PDE11A: variants seen among roughly 807,000 people sequenced by gnomAD.
The protein encoded by PDE11A is phosphodiesterase 11A.
PDE11A carries 100 observed loss-of-function variants against 100.5 expected under a neutral mutation model. The observed-to-expected ratio is 1.00, with a 90% confidence interval of 0.85 to 1.18. The LOEUF is 1.18. PDE11A is among the 50% of genes most tolerant of loss of function. PDE11A has a pLI of 0.00. For synonymous variants in PDE11A, 381 were observed against 420.8 expected, an observed-to-expected ratio of 0.91 and a Z score of 1.16; for missense variants, 1,141 against 1,152.6, an observed-to-expected ratio of 0.99 and a Z score of 0.15.
At chr2:178,037,436 G>T (rs2086628022) in intron 1 of PDE11A, among the ~76,000 whole-genome samples, 1 of 152,162 alleles carries the variant, frequency 6.6e-6, no homozygotes, top group Admixed American at 6.5e-5. Flanking sequence ...GTGTAAATTA[G>T]TTCAACCATT....
chr2:177,740,610 A>G (rs1386127161), intron 10 of PDE11A, among the ~76,000 whole-genome samples: 1 of 152,220 alleles, frequency 6.6e-6, no homozygotes. Flanking sequence ...ATCAATCCCA[A>G]TGAATCTAGC....
At chr2:177,881,337 ATCTG>A (rs371622130) in intron 4 of PDE11A, among the ~76,000 whole-genome samples, 16 of 136,326 alleles carry the variant, frequency 1.2e-4, no homozygotes, top group Non-Finnish European at 1.3e-4. Context: ...TCTATCATCT[ATCTG>A]TCTATCTATC....
intron 1 of PDE11A, among the ~76,000 whole-genome samples, chr2:178,043,234 G>A (rs115337829): frequency 0.013 from 1,952 of 152,192 alleles, 34 homozygotes; most frequent in African/African-American, 0.04. Context: ...TATCTGTCAT[G>A]GGCAGATGAT....
upstream of PDE11A, chr2:178,073,179 C>T: frequency 1.9e-6 from 1 of 534,822 alleles, no homozygotes; most frequent in Non-Finnish European, 2.4e-6. Flanking sequence ...TCGAGAGTGT[C>T]GTTCACCCTC....
chr2:177,942,406 A>ATAT (rs374537024), intron 2 of PDE11A, among the ~76,000 whole-genome samples: 1 of 136,866 alleles, frequency 7.3e-6, no homozygotes, highest in Non-Finnish European at 1.6e-5. Context: ...TTTTAAAATT[A>ATAT]TTTTTTTTTT....
chr2:177,640,057 T>C (rs182783164), intron 19 of PDE11A, among the ~76,000 whole-genome samples: 30 of 152,366 alleles, frequency 2.0e-4, no homozygotes, highest in Non-Finnish European at 4.1e-4. Flanking sequence ...CCCCCTATTG[T>C]TGAAATCTAT....
At chr2:178,029,885 C>T (rs1036881493) in intron 1 of PDE11A, among the ~76,000 whole-genome samples, 3 of 152,118 alleles carry the variant, frequency 2.0e-5, no homozygotes, top group Non-Finnish European at 2.9e-5. Context: ...TTCATTATTG[C>T]AGAAGTGGGT....
intron 2 of PDE11A, among the ~76,000 whole-genome samples, chr2:177,932,097 C>T (rs2085215644): frequency 6.6e-6 from 1 of 152,032 alleles, no homozygotes; most frequent in African/African-American, 2.4e-5. Flanking sequence ...CACACAATCT[C>T]TCAAGATTGA....
intron 9 of PDE11A, among the ~76,000 whole-genome samples, chr2:177,795,295 A>C (rs1344643189): frequency 6.6e-6 from 1 of 152,112 alleles, no homozygotes; most frequent in Non-Finnish European, 1.5e-5. Flanking sequence ...CCTTACATTC[A>C]TCACCTGGTG....
chr2:177,881,341 GTCTATCTATCTATCTA>G lies in PDE11A; in HGVS notation c.1303-5434_1303-5419del, dbSNP rs56769555. ...ATCTCTATCTATCTATCATCTATCT[GTCTATCTATCTATCTA>G]TCTATCTATCTATCTATCTATCTAT... is the stretch of plus-strand genomic sequence containing the variant. On this transcript the variant is annotated intron_variant, in intron 4 of 19. Coordinates refer to ENST00000286063, the MANE Select transcript of PDE11A (RefSeq NM_016953.4). 1.5e-4 allele frequency among the ~76,000 whole-genome samples: 22 copies of G among 147,634 alleles called. 1 individual carries two copies. Among genetic ancestry groups the G allele is most frequent in the Admixed American group, 8.1e-4 (12 of 14,874 alleles).
intron 15 of PDE11A, among the ~76,000 whole-genome samples, chr2:177,686,545 C>T (rs1434043479): frequency 1.3e-5 from 2 of 151,390 alleles, no homozygotes; most frequent in Non-Finnish European, 2.9e-5. Flanking sequence ...CCAGCCTGGG[C>T]GACAGAGTGA....
chr2:178,048,990 C>T (rs2105855143), intron 1 of PDE11A, among the ~76,000 whole-genome samples: 1 of 152,232 alleles, frequency 6.6e-6, no homozygotes, highest in South Asian at 2.1e-4. Flanking sequence ...GAGGACCTAA[C>T]TTCTCAGTGC....
chr2:177,936,693 T>C (rs1386545196), intron 2 of PDE11A, among the ~76,000 whole-genome samples: 1 of 152,112 alleles, frequency 6.6e-6, no homozygotes, highest in Non-Finnish European at 1.5e-5. Context: ...GGCCGAAGTG[T>C]GTGGATCACC....
chr2:177,760,764 A>C (rs896805680), intron 10 of PDE11A, among the ~76,000 whole-genome samples: 1 of 152,236 alleles, frequency 6.6e-6, no homozygotes, highest in African/African-American at 2.4e-5. Flanking sequence ...AAAAGGGCAG[A>C]TCTGGCTACA....
intron 2 of PDE11A, among the ~76,000 whole-genome samples, chr2:177,933,242 G>C (rs2085231315): frequency 6.6e-6 from 1 of 152,092 alleles, no homozygotes; most frequent in African/African-American, 2.4e-5. Flanking sequence ...CATTAAAATG[G>C]CCATATTGCT....
Position 178,071,925 on chromosome 2 carries a change from A to C in PDE11A, c.513T>G (p.Ile171Met). The change falls in exon 1 of 20, where the codon ATT (isoleucine) becomes ATG (methionine). Residue 171 changes from isoleucine to methionine, a missense_variant. Transcript: ENST00000286063. ...CTCTCGATTCCAGCAGCGCACTGAGAATATGGGCTGTGGTGGGGGGCAGGG... is the reference window on the plus strand; with the variant it reads ...CTCTCGATTCCAGCAGCGCACTGAGCATATGGGCTGTGGTGGGGGGCAGGG... ...ASSLPPTTAH[I>M]LSALLESRVN... is the part of the protein sequence containing the mutation. 1 of 1,613,964 alleles carries C rather than the reference A, an allele frequency of 6.2e-7. No individual in the cohort carries two copies. The highest frequency in any genetic ancestry group is 1.3e-5 in the African/African-American group (1 of 75,012).
chr2:177,824,324 AT>A (rs2083193753), intron 6 of PDE11A, among the ~76,000 whole-genome samples: 9 of 152,220 alleles, frequency 5.9e-5, no homozygotes, highest in African/African-American at 2.4e-5. Flanking sequence ...CATGGGTAAG[AT>A]TTAAGTTAAT....
At chr2:177,755,024 T>C (rs1348535318) in intron 10 of PDE11A, among the ~76,000 whole-genome samples, 1 of 152,206 alleles carries the variant, frequency 6.6e-6, no homozygotes, top group East Asian at 1.9e-4. Context: ...CTGTGGGTTA[T>C]TGGTTGATCC....
intron 10 of PDE11A, among the ~76,000 whole-genome samples, chr2:177,740,025 G>A (rs1225951345): frequency 1.3e-5 from 2 of 152,174 alleles, no homozygotes; most frequent in African/African-American, 4.8e-5. Flanking sequence ...GTACATACAT[G>A]CACACATCTC....
Sources: gnomAD v4.1 joint callset for allele counts (sites outside exome capture counted in the v4.1 genomes callset) on GRCh38, gnomAD v4.1.1 for gene constraint, MANE v1.5 for transcripts, NCBI Gene and HGNC (gene_info 2026-07-23, HGNC 2026-07-21) for gene names.